The following PUDP variants were observed in gnomAD, a reference collection of about 807,000 sequenced individuals.
PUDP encodes pseudouridine 5'-phosphatase.
A neutral mutation model predicts 9.4 loss-of-function variants in PUDP; 8 were observed. The ratio of observed to expected loss-of-function variants is 0.85; its 90% CI spans 0.50 to 1.53. The LOEUF is 1.53. Among genes scored for constraint, PUDP ranks in the 40% most tolerant of loss-of-function variants. The pLI is 0.00. For missense variants in PUDP, 188 were observed against 189.7 expected, an observed-to-expected ratio of 0.99 and a Z score of 0.05; for synonymous variants, 99 against 80.7, an observed-to-expected ratio of 1.23 and a Z score of -1.22.
intron 3 of PUDP, among the ~76,000 whole-genome samples, chrX:6,805,928 A>G (rs1161140872): frequency 2.7e-5 from 3 of 111,954 alleles, no homozygotes; most frequent in Non-Finnish European, 3.8e-5. Context: ...TTCATGACAA[A>G]CAGGCACATT....
chrX:6,842,188 A>T (rs1014966177), intron 3 of PUDP, among the ~76,000 whole-genome samples: 3 of 111,952 alleles, frequency 2.7e-5, no homozygotes, highest in Non-Finnish European at 3.8e-5. Flanking sequence ...AGCCAGTTTA[A>T]TTTTCATTTT....
chrX:6,840,495 G>C (rs1433092272), intron 3 of PUDP, among the ~76,000 whole-genome samples: 1 of 112,381 alleles, frequency 8.9e-6, no homozygotes, highest in African/African-American at 3.2e-5. Flanking sequence ...AAACCAGTCT[G>C]AGAAGGCTAC....
At position 7,049,038 on chromosome X, in the gene PUDP, G is replaced by C. The variant is rs771902571; in HGVS notation, c.*1258C>G. ...CATATATTCAGGCCATCAAGAATGA[G>C]GAAATGAATTTGCTAAATTGATGCA... On this transcript the variant is annotated 3_prime_UTR_variant, in exon 4 of 4. Transcript: ENST00000381077. 8.9e-6 allele frequency: 1 copy of C among 112,158 alleles called. No individual in the cohort carries two copies. Among genetic ancestry groups the C allele is most frequent in the Admixed American group, 9.5e-5 (1 of 10,575 alleles). 9.2% of individuals were successfully genotyped at this position (112,158 alleles called of 1,213,427 possible).
At chrX:6,806,009 A>G (rs988270191) in intron 3 of PUDP, among the ~76,000 whole-genome samples, 5 of 111,255 alleles carry the variant, frequency 4.5e-5, no homozygotes, top group Admixed American at 9.6e-5. Context: ...GAAAGCCCCA[A>G]TAGGAAGGTT....
chrX:7,077,070 C>A, intron 3 of PUDP, 150 bp downstream of exon 3: 4 of 941,721 alleles, frequency 4.2e-6, no homozygotes, highest in Non-Finnish European at 5.7e-6. Flanking sequence ...CAGACCATCT[C>A]CCTGCCCACA....
intron 1 of PUDP, among the ~76,000 whole-genome samples, chrX:7,124,157 C>A (rs1480096161): frequency 1.8e-5 from 2 of 112,050 alleles, no homozygotes; most frequent in Non-Finnish European, 3.8e-5. Context: ...TCATAAGTCT[C>A]AATAAGTTTA....
chrX:7,057,570 G>A (rs1930277421), intron 3 of PUDP: 16 of 989,016 alleles, frequency 1.6e-5, no homozygotes, highest in Non-Finnish European at 2.1e-5. Flanking sequence ...TTCTGATGTG[G>A]TGGGTCTTGG....
intron 3 of PUDP, among the ~76,000 whole-genome samples, chrX:6,832,694 CCCTT>C (rs1926521552): frequency 9.0e-6 from 1 of 111,709 alleles, no homozygotes; most frequent in South Asian, 3.7e-4. Context: ...AGAAGCTAAG[CCCTT>C]CCGGGGAGTA....
At chrX:6,883,989 C>T (rs1810602240) in intron 3 of PUDP, among the ~76,000 whole-genome samples, 3 of 110,827 alleles carry the variant, frequency 2.7e-5, no homozygotes, top group East Asian at 2.9e-4. Context: ...TACAGGCGCC[C>T]GCCACCACGC....
chrX:6,738,984 A>C (rs910840732), intron 3 of PUDP, among the ~76,000 whole-genome samples: 1 of 111,820 alleles, frequency 8.9e-6, no homozygotes, highest in Non-Finnish European at 1.9e-5. Context: ...GATAGAGTAC[A>C]AACACCTGCG....
At chrX:6,876,019 T>A (rs959488376) in intron 3 of PUDP, among the ~76,000 whole-genome samples, 1 of 112,503 alleles carries the variant, frequency 8.9e-6, no homozygotes, top group Non-Finnish European at 1.9e-5. Flanking sequence ...TAAGCAGGCA[T>A]AAAGTTAAGT....
intron 3 of PUDP, among the ~76,000 whole-genome samples, chrX:7,065,600 C>T (rs769084421): frequency 8.9e-6 from 1 of 112,290 alleles, no homozygotes; most frequent in African/African-American, 3.2e-5. Context: ...ACTGGTTATT[C>T]TCCCTATTCT....
intron 1 of PUDP, among the ~76,000 whole-genome samples, chrX:7,005,233 C>T (rs1012414844): frequency 3.6e-5 from 4 of 110,543 alleles, no homozygotes; most frequent in African/African-American, 1.3e-4. Context: ...AGGGCTGTTT[C>T]ATGGAGGAGG....
At chrX:7,028,220 A>G (rs1929745837) in intron 1 of PUDP, among the ~76,000 whole-genome samples, 1 of 110,249 alleles carries the variant, frequency 9.1e-6, no homozygotes, top group Admixed American at 9.8e-5. Flanking sequence ...TATAGTCTAT[A>G]TATTGTAAGG....
chrX:7,091,133 C>T (rs1029657292), intron 2 of PUDP, among the ~76,000 whole-genome samples: 6 of 111,383 alleles, frequency 5.4e-5, no homozygotes, highest in African/African-American at 2.0e-4. Flanking sequence ...AGAAGCTATA[C>T]CAGCATTCTT....
intron 1 of PUDP, among the ~76,000 whole-genome samples, chrX:6,709,441 C>A (rs1443357211): frequency 8.9e-6 from 1 of 112,118 alleles, no homozygotes; most frequent in Non-Finnish European, 1.9e-5. Flanking sequence ...TAAAGTCCAG[C>A]TTTTAGTCCA....
chrX:6,824,097 G>A (rs1926388095), intron 3 of PUDP, among the ~76,000 whole-genome samples: 1 of 111,566 alleles, frequency 9.0e-6, no homozygotes, highest in African/African-American at 3.3e-5. Flanking sequence ...CTCACATGTT[G>A]TGGGAGGGAC....
chrX:7,024,201 C>T (rs1161725200), intron 1 of PUDP, among the ~76,000 whole-genome samples: 1 of 111,867 alleles, frequency 8.9e-6, no homozygotes, highest in African/African-American at 3.2e-5. Flanking sequence ...TATTACTGCA[C>T]TGGTTCTGAT....
intron 3 of PUDP, among the ~76,000 whole-genome samples, chrX:6,748,100 A>G (rs1925021968): frequency 8.9e-6 from 1 of 111,957 alleles, no homozygotes; most frequent in Admixed American, 9.5e-5. Context: ...GTAATAGGAT[A>G]CAGACATACA....
Sources: gnomAD v4.1 joint callset for allele counts (sites outside exome capture counted in the v4.1 genomes callset) on GRCh38, gnomAD v4.1.1 for gene constraint, MANE v1.5 for transcripts, NCBI Gene and HGNC (gene_info 2026-07-23, HGNC 2026-07-21) for gene names.